RELN: variants seen among roughly 807,000 people sequenced by gnomAD.
RELN encodes reelin.
A neutral mutation model predicts 427.6 loss-of-function variants in RELN; 108 were observed. The ratio of observed to expected loss-of-function variants is 0.25; its 90% CI spans 0.22 to 0.30. The LOEUF is 0.30. Among genes scored for constraint, RELN ranks in the 10% least tolerant of loss-of-function variants. The pLI, the probability that RELN is intolerant of heterozygous loss-of-function variation, is 1.00. For missense variants in RELN, 3,715 were observed against 4,302.8 expected (o/e 0.86, Z 3.82); for synonymous variants, 1,524 against 1,513.4 (o/e 1.01, Z -0.16).
At position 103,861,356 on chromosome 7, in the gene RELN, G is replaced by C. The variant is rs926409660; in HGVS notation, c.338-27684C>G. Among the ~76,000 whole-genome samples, 3 of 152,170 alleles carry C rather than the reference G, an allele frequency of 2.0e-5. No individual in the cohort carries two copies. The East Asian group carries it at 5.8e-4, about 29-fold the overall frequency. On this transcript the variant is annotated intron_variant, in intron 2 of 64. Transcript: ENST00000428762. ...ACTACAAATTATTGCATTATTATCAGTTTGGGGATGGGAAGGGAAGAGGTG... is the reference window on the plus strand; with the variant it reads ...ACTACAAATTATTGCATTATTATCACTTTGGGGATGGGAAGGGAAGAGGTG...
intron 10 of RELN, among the ~76,000 whole-genome samples, chr7:103,690,106 T>C (rs1407594892): frequency 6.6e-6 from 1 of 152,136 alleles, no homozygotes; most frequent in Non-Finnish European, 1.5e-5. Flanking sequence ...TATCAATACT[T>C]CTACTATCAT....
At chr7:103,648,531 GA>G (rs939947304) in intron 16 of RELN, among the ~76,000 whole-genome samples, 3 of 152,082 alleles carry the variant, frequency 2.0e-5, no homozygotes, top group African/African-American at 7.2e-5. Flanking sequence ...CCTAGGCAAA[GA>G]ATTAATGACT....
At chr7:103,839,545 G>A (rs1329663794) in intron 2 of RELN, among the ~76,000 whole-genome samples, 7 of 152,040 alleles carry the variant, frequency 4.6e-5, no homozygotes, top group Admixed American at 4.6e-4. Context: ...GCCCTGATAT[G>A]ACTTGAGCTG....
chr7:103,585,834 C>T (rs915226229), intron 28 of RELN, among the ~76,000 whole-genome samples: 3 of 152,142 alleles, frequency 2.0e-5, no homozygotes, highest in African/African-American at 7.2e-5. Flanking sequence ...CTGAAAACAA[C>T]AGCACATCGA....
chr7:103,539,526 A>C, intron 44 of RELN, 199 bp from the exon 45 acceptor site: 1 of 601,016 alleles, frequency 1.7e-6, no homozygotes, highest in South Asian at 2.0e-5. Flanking sequence ...GAAACTACAC[A>C]AAACAAATCA....
At position 103,596,733 on chromosome 7, in the gene RELN, A is replaced by G. The variant is rs957140337; in HGVS notation, c.3334-72T>C. On this transcript the variant is annotated intron_variant, in intron 24 of 64. Coordinates refer to ENST00000428762, the MANE Select transcript of RELN (RefSeq NM_005045.4). ...TGGCATTTTGTTGTTTCAGTTCCAA[A>G]TTCACATGGACATCTTAGCACTATG... 3.4e-5 allele frequency: 43 copies of G among 1,273,990 alleles called. No homozygotes were observed. In the Middle Eastern group the frequency reaches 5.5e-4, roughly 16 times the overall value. The allele number at this position is 1,273,990 out of a possible 1,614,324, so 78.9% of individuals were successfully genotyped here.
chr7:103,697,835 A>G lies in RELN; in HGVS notation c.1143+18T>C. On this transcript the variant is annotated intron_variant, in intron 10 of 64. Transcript: ENST00000428762. ...GATGAAGGATTAAAACAACCCAAAA[A>G]CTAAAAAGAGCTCTAACCTTAACTG... 1 of 1,613,420 alleles carries G rather than the reference A, an allele frequency of 6.2e-7. No individual in the cohort carries two copies. The highest frequency in any genetic ancestry group is 8.5e-7 in the Non-Finnish European group (1 of 1,179,608).
Position 103,852,232 on chromosome 7 carries a change from A to G in RELN, c.338-18560T>C, listed in dbSNP as rs140848418. 5.8e-3 allele frequency among the ~76,000 whole-genome samples: 880 copies of G among 152,304 alleles called. 8 individuals are homozygous for G. The highest frequency in any genetic ancestry group is 0.02 in the African/African-American group (836 of 41,568). On this transcript the variant is annotated intron_variant, in intron 2 of 64. Transcript: ENST00000428762. ...CATCACCCAATTGCTAAACTAATGAATAGACTTCTGTTTTTCTCTTCTCCA... is the reference window on the plus strand; with the variant it reads ...CATCACCCAATTGCTAAACTAATGAGTAGACTTCTGTTTTTCTCTTCTCCA...
At chr7:103,677,248 A>T (rs1339469939) in intron 11 of RELN, among the ~76,000 whole-genome samples, 1 of 140,482 alleles carries the variant, frequency 7.1e-6, no homozygotes, top group East Asian at 2.4e-4. Flanking sequence ...AACATCATAC[A>T]CTAGGATCTG....
At chr7:103,773,458 CCT>C (rs767597344) in intron 4 of RELN, among the ~76,000 whole-genome samples, 113 of 120,460 alleles carry the variant, frequency 9.4e-4, no homozygotes, top group Admixed American at 7.6e-4. Context: ...TCGCTCCCTC[CCT>C]CTCTCTCTCT....
At chr7:103,677,707 A>G (rs1298233193) in intron 11 of RELN, among the ~76,000 whole-genome samples, 1 of 141,094 alleles carries the variant, frequency 7.1e-6, no homozygotes, top group Non-Finnish European at 1.5e-5. Flanking sequence ...CGGAGGTTGC[A>G]GTAAGCTGAT....
At chr7:103,751,198 T>G (rs758502186) in intron 5 of RELN, among the ~76,000 whole-genome samples, 4 of 152,234 alleles carry the variant, frequency 2.6e-5, no homozygotes, top group African/African-American at 9.6e-5. Context: ...GACTGTCTTT[T>G]GGAAAAATTA....
At chr7:103,929,531 T>C (rs541716392) in intron 1 of RELN, among the ~76,000 whole-genome samples, 124 of 152,316 alleles carry the variant, frequency 8.1e-4, no homozygotes, top group African/African-American at 3.0e-3. Flanking sequence ...TGATCATACA[T>C]AGTTTTATGT....
intron 3 of RELN, among the ~76,000 whole-genome samples, chr7:103,791,992 A>C (rs983210672): frequency 1.3e-5 from 2 of 152,202 alleles, no homozygotes; most frequent in African/African-American, 4.8e-5. Context: ...AACATCATTA[A>C]TATTAGGGAA....
At position 103,988,054 on chromosome 7, in the gene RELN, T is replaced by C. The variant is rs1415795774; in HGVS notation, c.226+1077A>G. 1.3e-5 allele frequency among the ~76,000 whole-genome samples: 2 copies of C among 152,198 alleles called. No homozygotes were observed. Among genetic ancestry groups the C allele is most frequent in the African/African-American group, 2.4e-5 (1 of 41,444 alleles). On this transcript the variant is annotated intron_variant, in intron 1 of 64. Coordinates refer to ENST00000428762, the MANE Select transcript of RELN (RefSeq NM_005045.4). The surrounding 1 kb of genome is among the most constrained non-coding windows in gnomAD (Gnocchi z 4.9). ...TTATCTCCCGCCATGCCAATGATTG[T>C]TAGCCTATTAGAGATAGAAACTATT...
At chr7:103,800,560 A>C (rs1792436707) in intron 3 of RELN, among the ~76,000 whole-genome samples, 2 of 152,198 alleles carry the variant, frequency 1.3e-5, no homozygotes, top group African/African-American at 4.8e-5. Context: ...CCTTCCTTAC[A>C]CCTTATACAA....
At chr7:103,514,629 A>G (rs1055373516) in intron 50 of RELN, among the ~76,000 whole-genome samples, 15 of 152,034 alleles carry the variant, frequency 9.9e-5, no homozygotes, top group African/African-American at 3.6e-4. Context: ...ATTGTACTCC[A>G]GCCTAGGCAA....
intron 3 of RELN, among the ~76,000 whole-genome samples, chr7:103,823,251 A>G (rs1793053654): frequency 6.6e-6 from 1 of 150,680 alleles, no homozygotes; most frequent in African/African-American, 2.4e-5. Context: ...TCTTAGAAAC[A>G]GCATACTGCT....
At chr7:103,779,240 T>A (rs914887323) in intron 3 of RELN, among the ~76,000 whole-genome samples, 1 of 152,142 alleles carries the variant, frequency 6.6e-6, no homozygotes, top group African/African-American at 2.4e-5. Flanking sequence ...CCGTCTAGGC[T>A]TTATATGTTC....
Sources: gnomAD v4.1 joint callset for allele counts (sites outside exome capture counted in the v4.1 genomes callset) on GRCh38, gnomAD v4.1.1 for gene constraint, Gnocchi (gnomAD v3.1) non-coding constraint, MANE v1.5 for transcripts, NCBI Gene and HGNC (gene_info 2026-07-23, HGNC 2026-07-21) for gene names.